VAV3: variants seen among roughly 807,000 people sequenced by gnomAD.
The protein encoded by VAV3 is vav guanine nucleotide exchange factor 3.
In VAV3, 94 loss-of-function variants were observed where a neutral mutation model predicts 131.2. The observed-to-expected ratio is 0.72, with a 90% CI of 0.61 to 0.85. VAV3 has a LOEUF of 0.85. VAV3 is among the 40% of genes least tolerant of loss of function. VAV3 has a pLI of 0.00. For missense variants in VAV3, 939 were observed against 1,002.7 expected (o/e 0.94, Z 0.86); for synonymous variants, 349 against 342.0 (o/e 1.02, Z -0.22).
At chr1:107,876,497 A>C (rs937771383) in intron 1 of VAV3, among the ~76,000 whole-genome samples, 1 of 152,156 alleles carries the variant, frequency 6.6e-6, no homozygotes, top group Non-Finnish European at 1.5e-5. Flanking sequence ...GCTGGTAACA[A>C]AGCAGAGAAG....
chr1:107,767,520 T>C (rs148706239), intron 7 of VAV3, among the ~76,000 whole-genome samples: 453 of 152,330 alleles, frequency 3.0e-3, no homozygotes, highest in African/African-American at 0.01. Context: ...GCTGATATTG[T>C]GCATGTTATA....
intron 1 of VAV3, among the ~76,000 whole-genome samples, chr1:107,931,990 T>C (rs1673459598): frequency 1.3e-5 from 2 of 152,206 alleles, no homozygotes; most frequent in Admixed American, 6.5e-5. Flanking sequence ...TAATAAATGT[T>C]TTTCTTATGG....
At position 107,874,940 on chromosome 1, in the gene VAV3, GA is replaced by G; in HGVS notation, c.281del (p.Phe94SerfsTer16). On this transcript the variant is annotated frameshift_variant, in exon 2 of 27. Transcript: ENST00000370056. LOFTEE classifies it high-confidence loss of function. The stretch of plus-strand genomic sequence containing the variant: ...GAACATCAAACAAGTCAAATGCCTC[GA>G]AAAGTTCACTTTTCCTCATTCCAAA... ...ETFGMRKSEL[F>X]EAFDLFDVRD... 1 of 1,613,294 alleles carries G rather than the reference GA, an allele frequency of 6.2e-7. No individual in the cohort carries two copies. Among genetic ancestry groups the G allele is most frequent in the Non-Finnish European group, 8.5e-7 (1 of 1,179,542 alleles).
At chr1:107,810,122 C>A (rs12042799) in intron 2 of VAV3, among the ~76,000 whole-genome samples, 22,003 of 152,138 alleles carry the variant, frequency 0.14, 2,104 homozygotes, top group East Asian at 0.38. Flanking sequence ...GATAAATTGC[C>A]ACTGATTGGG....
intron 17 of VAV3, among the ~76,000 whole-genome samples, chr1:107,691,380 C>T (rs1443433720): frequency 3.3e-5 from 5 of 152,158 alleles, no homozygotes; most frequent in Non-Finnish European, 1.5e-5. Flanking sequence ...CCACCTGAAA[C>T]TACTATGGTG....
intron 25 of VAV3, among the ~76,000 whole-genome samples, chr1:107,586,604 T>A (rs551113012): frequency 6.6e-6 from 1 of 152,186 alleles, no homozygotes; most frequent in Non-Finnish European, 1.5e-5. Context: ...AGTGCATCTA[T>A]CAGAGGGTGG....
chr1:107,937,984 AT>A (rs1172233752), intron 1 of VAV3, among the ~76,000 whole-genome samples: 1 of 152,186 alleles, frequency 6.6e-6, no homozygotes, highest in Non-Finnish European at 1.5e-5. Context: ...AAATGAAATC[AT>A]TTTATCTTTG....
Position 107,732,867 on chromosome 1 carries a change from C to T in VAV3, c.1502+16101G>A, listed in dbSNP as rs141883654. ...AGCTCTGAAGAGAGCAGTGGTTCTC[C>T]CGGCATGGTGTTTGAGCTCTGAGAA... On this transcript the variant is annotated intron_variant, in intron 15 of 26. Transcript: ENST00000370056. 1.5e-3 allele frequency among the ~76,000 whole-genome samples: 222 copies of T among 152,274 alleles called. 2 individuals are homozygous for T. Among genetic ancestry groups the T allele is most frequent in the African/African-American group, 5.2e-3 (215 of 41,546 alleles).
chr1:107,704,848 TA>T, intron 16 of VAV3, 111 bp downstream of exon 16: 1 of 1,206,598 alleles, frequency 8.3e-7, no homozygotes, highest in Non-Finnish European at 1.2e-6. Context: ...TCCAGACTGC[TA>T]AGGCAAATTC....
At chr1:107,764,704 A>T (rs17542571) in intron 9 of VAV3, among the ~76,000 whole-genome samples, 17,951 of 152,110 alleles carry the variant, frequency 0.12, 1,197 homozygotes, top group Non-Finnish European at 0.14. Flanking sequence ...TAAACATTTT[A>T]AATCTACATA....
rs1247061060 is a variant in VAV3 at position 107,875,037 on chromosome 1, T to C, written c.205-20A>G. ...GAGAAACTGAGGAATGGAAAAGAGC[T>C]GTTAGCATAAAGTTAATTATTCTGA... On this transcript the variant is annotated intron_variant, in intron 1 of 26. Transcript: ENST00000370056. The C allele has an allele frequency of 6.3e-7, 1 of 1,595,712 alleles. No individual in the cohort carries two copies. Among genetic ancestry groups the C allele is most frequent in the East Asian group, 2.2e-5 (1 of 44,748 alleles).
At chr1:107,828,445 T>C (rs1490910981) in intron 2 of VAV3, among the ~76,000 whole-genome samples, 1 of 152,172 alleles carries the variant, frequency 6.6e-6, no homozygotes, top group Non-Finnish European at 1.5e-5. Context: ...TATCTTATAT[T>C]TCTGTAAGTC....
At chr1:107,904,774 C>T (rs1027583710) in intron 1 of VAV3, among the ~76,000 whole-genome samples, 1 of 152,134 alleles carries the variant, frequency 6.6e-6, no homozygotes, top group African/African-American at 2.4e-5. Flanking sequence ...ATGAGACTTT[C>T]TCTTTTGGGG....
At chr1:107,898,725 T>C (rs1439209182) in intron 1 of VAV3, among the ~76,000 whole-genome samples, 2 of 152,178 alleles carry the variant, frequency 1.3e-5, no homozygotes, top group African/African-American at 4.8e-5. Context: ...TAAAAATATA[T>C]CTACTGAAAA....
chr1:107,958,277 A>G (rs1002128092), intron 1 of VAV3, among the ~76,000 whole-genome samples: 6 of 152,226 alleles, frequency 3.9e-5, no homozygotes, highest in African/African-American at 1.2e-4. Flanking sequence ...TAACCCAAAA[A>G]TCTGTAAGTC....
intron 1 of VAV3, among the ~76,000 whole-genome samples, chr1:107,942,640 A>G (rs543032249): frequency 2.8e-4 from 42 of 152,206 alleles, no homozygotes; most frequent in African/African-American, 9.9e-4. Flanking sequence ...TCAGTCTACT[A>G]CTGCTTCTTT....
intron 1 of VAV3, among the ~76,000 whole-genome samples, chr1:107,934,317 A>C (rs2101223500): frequency 6.6e-6 from 1 of 152,344 alleles, no homozygotes; most frequent in African/African-American, 2.4e-5. Flanking sequence ...TAGAATCATA[A>C]ACTCTTCTGC....
intron 20 of VAV3, among the ~76,000 whole-genome samples, chr1:107,630,182 T>A (rs1330400451): frequency 6.6e-6 from 1 of 152,206 alleles, no homozygotes. Context: ...GTGCATTACC[T>A]ATCCTGAGTT....
At chr1:107,661,941 G>C (rs542034251) in intron 19 of VAV3, among the ~76,000 whole-genome samples, 1 of 152,200 alleles carries the variant, frequency 6.6e-6, no homozygotes, top group East Asian at 1.9e-4. Flanking sequence ...GATTAGTTGA[G>C]GAAGGTATTT....
Sources: allele counts gnomAD v4.1 joint callset (sites outside exome capture counted in the v4.1 genomes callset), GRCh38; gene constraint gnomAD v4.1.1; transcripts MANE v1.5; gene names NCBI Gene and HGNC (gene_info 2026-07-23, HGNC 2026-07-21).